Variants in FANK1 observed in about 807,000 individuals in gnomAD.
FANK1 encodes fibronectin type III and ankyrin repeat domains 1.
FANK1 carries 44 observed loss-of-function variants against 45.3 expected under a neutral mutation model. The observed-to-expected ratio is 0.97, with a 90% confidence interval of 0.76 to 1.25. The LOEUF is 1.25. Ranked by LOEUF, FANK1 falls within the 50% of genes most tolerant of loss-of-function variation. The pLI is 0.00. For missense variants in FANK1, 391 were observed against 424.4 expected (o/e 0.92, Z 0.69); for synonymous variants, 149 against 152.5 (o/e 0.98, Z 0.17).
At chr10:125,940,637 C>T (rs980601432) in intron 1 of FANK1, among the ~76,000 whole-genome samples, 1 of 152,076 alleles carries the variant, frequency 6.6e-6, no homozygotes, top group Non-Finnish European at 1.5e-5. Flanking sequence ...TTTTACTATT[C>T]CTCCTCAGCA....
chr10:125,972,893 A>AACACACACACACACAC (rs150851164), intron 1 of FANK1: 16 of 142,422 alleles, frequency 1.1e-4, no homozygotes, highest in African/African-American at 3.1e-4. Flanking sequence ...ACCTGCCCCC[A>AACACACACACACACAC]ACACACACAC....
At chr10:125,984,121 T>C (rs58122160) in intron 2 of FANK1, among the ~76,000 whole-genome samples, 2,535 of 152,262 alleles carry the variant, frequency 0.017, 75 homozygotes, top group African/African-American at 0.055. Flanking sequence ...GTGATGCTGC[T>C]GGAAGCATCA....
At chr10:125,940,012 C>T (rs1338413963) in intron 1 of FANK1, among the ~76,000 whole-genome samples, 1 of 151,546 alleles carries the variant, frequency 6.6e-6, no homozygotes. Context: ...CTCACTGCAA[C>T]CTCCACCTCT....
intron 1 of FANK1, among the ~76,000 whole-genome samples, chr10:125,958,624 C>G (rs188149954): frequency 6.6e-6 from 1 of 152,294 alleles, no homozygotes; most frequent in African/African-American, 2.4e-5. Flanking sequence ...TAAGAGTTCC[C>G]TTTTCTCTAC....
intron 1 of FANK1, among the ~76,000 whole-genome samples, chr10:125,961,989 G>T (rs758606235): frequency 7.2e-5 from 11 of 152,036 alleles, no homozygotes; most frequent in Non-Finnish European, 1.3e-4. Context: ...AAACAAATGA[G>T]ATTACATCAA....
At chr10:125,911,589 T>C (rs1341595470) in intron 1 of FANK1, among the ~76,000 whole-genome samples, 2 of 152,338 alleles carry the variant, frequency 1.3e-5, no homozygotes, top group Non-Finnish European at 2.9e-5. Flanking sequence ...AGGTAGTTAG[T>C]TTTGATAATT....
chr10:125,950,620 T>C (rs1363326531), intron 1 of FANK1, among the ~76,000 whole-genome samples: 5 of 152,054 alleles, frequency 3.3e-5, no homozygotes, highest in African/African-American at 9.7e-5. Flanking sequence ...TGTGGAGAAA[T>C]AGGAACACTT....
chr10:125,975,713 C>A (rs1950814571), intron 1 of FANK1, among the ~76,000 whole-genome samples: 5 of 152,130 alleles, frequency 3.3e-5, no homozygotes, highest in Admixed American at 1.3e-4. Flanking sequence ...TTGTCAGATA[C>A]ATAGTTTGCA....
Position 126,009,429 on chromosome 10 carries a change from T to C in FANK1, c.1029T>C (p.Cys343=), listed in dbSNP as rs745532808. The part of the protein sequence containing the change: ...RKKKQRPKKS[C]VC ...AAAAGCAGAGGCCAAAGAAGTCTTG[T>C]GTCTGCTGATGAGAGCACCACTCAT... Residue 343 remains cysteine, a synonymous_variant, in exon 11 of 11, where the codon TGT becomes TGC. Transcript: ENST00000368693. The C allele has an allele frequency of 7.4e-6, 12 of 1,614,042 alleles. No individual in the cohort carries two copies. The African/African-American group carries it at 1.5e-4, about 20-fold the overall frequency.
intron 3 of FANK1, among the ~76,000 whole-genome samples, chr10:125,993,034 C>T (rs1258228920): frequency 1.3e-5 from 2 of 152,122 alleles, no homozygotes; most frequent in Non-Finnish European, 2.9e-5. Context: ...TGATGCTGCC[C>T]TCTCCTAACT....
At chr10:125,947,324 G>A (rs1367724386) in intron 1 of FANK1, among the ~76,000 whole-genome samples, 2 of 150,026 alleles carry the variant, frequency 1.3e-5, no homozygotes, top group Non-Finnish European at 3.0e-5. Flanking sequence ...CTGGCAAATT[G>A]GATAAAGAGT....
At chr10:125,955,419 C>G (rs1949516390) in intron 1 of FANK1, among the ~76,000 whole-genome samples, 1 of 152,134 alleles carries the variant, frequency 6.6e-6, no homozygotes, top group African/African-American at 2.4e-5. Flanking sequence ...TATGTCCCTG[C>G]AAAGGATATG....
intron 1 of FANK1, among the ~76,000 whole-genome samples, chr10:125,949,445 A>G (rs1564903512): frequency 6.6e-6 from 1 of 152,234 alleles, no homozygotes; most frequent in Non-Finnish European, 1.5e-5. Context: ...ATCAATGTAC[A>G]AAAATCACAA....
rs111232584 is a variant in FANK1, at chr10:125,928,316, G to A, written c.13+31661G>A. On this transcript the variant is annotated intron_variant, in intron 1 of 10. Transcript: ENST00000368693. Reference sequence around the variant, plus strand: ...AGGGTAAATTTCTGATATTGCCATGGCATTTGTAAACTGTCGTGGTGCTAG... The same window carrying A: ...AGGGTAAATTTCTGATATTGCCATGACATTTGTAAACTGTCGTGGTGCTAG... Among the ~76,000 whole-genome samples the A allele has an allele frequency of 4.3e-3, 635 of 146,334 alleles. 4 individuals carry two copies. The highest frequency in any genetic ancestry group is 0.014 in the African/African-American group (570 of 39,696).
At chr10:125,941,951 T>C (rs928982938) in intron 1 of FANK1, among the ~76,000 whole-genome samples, 2 of 152,196 alleles carry the variant, frequency 1.3e-5, no homozygotes, top group African/African-American at 4.8e-5. Flanking sequence ...GGCAATAGGA[T>C]GGGGCCAGCA....
At chr10:125,901,405 T>C (rs1945026078) in intron 1 of FANK1, among the ~76,000 whole-genome samples, 1 of 152,228 alleles carries the variant, frequency 6.6e-6, no homozygotes, top group South Asian at 2.1e-4. Flanking sequence ...GATTTTTGCA[T>C]GTCTTCTTCC....
At chr10:126,004,756 T>C in intron 6 of FANK1, 128 bp from the exon 7 acceptor site, 1 of 854,514 alleles carries the variant, frequency 1.2e-6, no homozygotes, top group Non-Finnish European at 1.9e-6. Flanking sequence ...GTACGTTTTA[T>C]ATGAACAGTT....
intron 1 of FANK1, among the ~76,000 whole-genome samples, chr10:125,955,543 C>G (rs549428786): frequency 6.6e-6 from 1 of 152,034 alleles, no homozygotes; most frequent in Non-Finnish European, 1.5e-5. Flanking sequence ...TGCAGTGGTG[C>G]GATCATGACT....
At chr10:125,911,772 T>G (rs1431981830) in intron 1 of FANK1, among the ~76,000 whole-genome samples, 1 of 152,180 alleles carries the variant, frequency 6.6e-6, no homozygotes, top group Non-Finnish European at 1.5e-5. Context: ...AATTATTGAG[T>G]CTTCCTCATC....
Sources: gnomAD v4.1 joint callset for allele counts (sites outside exome capture counted in the v4.1 genomes callset) on GRCh38, gnomAD v4.1.1 for gene constraint, MANE v1.5 for transcripts, NCBI Gene and HGNC (gene_info 2026-07-23, HGNC 2026-07-21) for gene names.